STPG2: variants seen among roughly 807,000 people sequenced by gnomAD.
STPG2 encodes sperm-tail PG-rich repeat-containing protein 2.
A neutral mutation model predicts 54.2 loss-of-function variants in STPG2; 56 were observed. The observed-to-expected ratio is 1.03, with a 90% confidence interval of 0.83 to 1.29. STPG2 has a LOEUF of 1.29. STPG2 is among the 50% of genes most tolerant of loss of function. STPG2 has a pLI of 0.00. For synonymous variants in STPG2, 200 were observed against 181.8 expected, an observed-to-expected ratio of 1.10 and a Z score of -0.81; for missense variants, 596 against 544.9, an observed-to-expected ratio of 1.09 and a Z score of -0.93.
chr4:98,022,994 T>A (rs1736276460), intron 5 of STPG2, among the ~76,000 whole-genome samples: 1 of 152,216 alleles, frequency 6.6e-6, no homozygotes, highest in African/African-American at 2.4e-5. Context: ...AGTTTGATCT[T>A]CTGAAGCCTT....
intron 10 of STPG2, among the ~76,000 whole-genome samples, chr4:97,701,753 T>A (rs567698360): frequency 1.3e-5 from 2 of 152,340 alleles, no homozygotes; most frequent in African/African-American, 4.8e-5. Flanking sequence ...AAACCATGAT[T>A]AATTAGCCAA....
chr4:98,074,421 A>G (rs746417231), intron 5 of STPG2, among the ~76,000 whole-genome samples: 12 of 152,220 alleles, frequency 7.9e-5, no homozygotes, highest in Non-Finnish European at 1.5e-4. Flanking sequence ...TTTTGTATTT[A>G]TCCTGCTTAA....
intron 9 of STPG2, among the ~76,000 whole-genome samples, chr4:97,833,717 A>G (rs1200860538): frequency 1.3e-5 from 2 of 152,238 alleles, no homozygotes; most frequent in Middle Eastern, 3.2e-3. Context: ...CACTTCTCAA[A>G]AGAAGACATT....
At chr4:97,627,678 A>G (rs1212953841) in intron 10 of STPG2, among the ~76,000 whole-genome samples, 1 of 152,212 alleles carries the variant, frequency 6.6e-6, no homozygotes, top group Non-Finnish European at 1.5e-5. Flanking sequence ...TTTAAAGGAT[A>G]TAATTATCTA....
chr4:98,093,498 A>C (rs181729688), intron 5 of STPG2, among the ~76,000 whole-genome samples: 1 of 152,216 alleles, frequency 6.6e-6, no homozygotes. Context: ...AAGATGATGG[A>C]ATAGAAGCCT....
intron 4 of STPG2, among the ~76,000 whole-genome samples, chr4:97,533,115 T>C (rs1442397944): frequency 6.6e-6 from 1 of 152,048 alleles, no homozygotes; most frequent in African/African-American, 2.4e-5. Flanking sequence ...TCTTCTGACC[T>C]CATGATCCCC....
intron 5 of STPG2, among the ~76,000 whole-genome samples, chr4:98,046,627 A>C (rs947361041): frequency 1.3e-5 from 2 of 152,184 alleles, no homozygotes; most frequent in Non-Finnish European, 2.9e-5. Flanking sequence ...TAAGTCCTTC[A>C]AGATGCGGCC....
At chr4:97,709,709 T>A (rs1724053016) in intron 10 of STPG2, among the ~76,000 whole-genome samples, 1 of 151,850 alleles carries the variant, frequency 6.6e-6, no homozygotes, top group African/African-American at 2.4e-5. Context: ...AATCAGTATA[T>A]TTGACTCGAT....
At chr4:97,705,274 T>C (rs567872670) in intron 10 of STPG2, among the ~76,000 whole-genome samples, 2 of 152,284 alleles carry the variant, frequency 1.3e-5, no homozygotes, top group African/African-American at 4.8e-5. Flanking sequence ...ATTACTCTTT[T>C]ATATTTCATA....
intron 4 of STPG2, among the ~76,000 whole-genome samples, chr4:97,509,372 A>G (rs1730923486): frequency 6.6e-6 from 1 of 152,116 alleles, no homozygotes; most frequent in Non-Finnish European, 1.5e-5. Context: ...AATTTATAAA[A>G]ATGACAACTG....
Position 97,746,277 on chromosome 4 carries a change from T to G in STPG2, c.1205-33463A>C, listed in dbSNP as rs1725418947. ...AAATTAAAAGACACCATTAAAACAT[T>G]AAAAACACAGCTATATATAACTTTG... On this transcript the variant is annotated intron_variant, in intron 9 of 10. Coordinates refer to ENST00000295268, the MANE Select transcript of STPG2 (RefSeq NM_174952.3). Among the ~76,000 whole-genome samples, 5 of 151,198 alleles carry G rather than the reference T, an allele frequency of 3.3e-5. No individual in the cohort carries two copies. In the South Asian group the frequency reaches 1.0e-3, roughly 31 times the overall value.
intron 1 of STPG2, among the ~76,000 whole-genome samples, chr4:98,137,484 A>T (rs1240675905): frequency 6.6e-6 from 1 of 151,756 alleles, no homozygotes; most frequent in Admixed American, 6.6e-5. Context: ...TTTTAACTGA[A>T]TATCTTCTTT....
intron 10 of STPG2, among the ~76,000 whole-genome samples, chr4:97,694,014 G>A (rs1293679523): frequency 6.6e-6 from 1 of 152,072 alleles, no homozygotes; most frequent in Non-Finnish European, 1.5e-5. Flanking sequence ...CAGCAAAAGT[G>A]GTGCTGAAAA....
chr4:97,609,650 T>C (rs1379029342), intron 10 of STPG2, among the ~76,000 whole-genome samples: 6 of 151,994 alleles, frequency 3.9e-5, no homozygotes, highest in Admixed American at 3.9e-4. Context: ...ATGGGGATGT[T>C]TGTAATGCCC....
At chr4:97,527,535 A>AT (rs1486506271) in intron 4 of STPG2, among the ~76,000 whole-genome samples, 1 of 152,144 alleles carries the variant, frequency 6.6e-6, no homozygotes, top group African/African-American at 2.4e-5. Context: ...GCTGGGTCAA[A>AT]TGGTATTTCT....
chr4:97,706,955 G>C (rs1301346719), intron 10 of STPG2, among the ~76,000 whole-genome samples: 1 of 152,146 alleles, frequency 6.6e-6, no homozygotes, highest in Non-Finnish European at 1.5e-5. Context: ...TTTTAGATGA[G>C]ACGATAGGCA....
chr4:98,100,637 C>T (rs1035684188), intron 5 of STPG2, among the ~76,000 whole-genome samples: 17 of 151,306 alleles, frequency 1.1e-4, no homozygotes, highest in African/African-American at 3.9e-4. Context: ...TACCAACCTT[C>T]CCAAGTCATA....
chr4:97,793,931 T>C (rs1727086410), intron 9 of STPG2, among the ~76,000 whole-genome samples: 1 of 152,050 alleles, frequency 6.6e-6, no homozygotes, highest in African/African-American at 2.4e-5. Flanking sequence ...AGATATACAC[T>C]AATAATTCAT....
chr4:97,504,844 G>T (rs1367868788), intron 4 of STPG2, among the ~76,000 whole-genome samples: 1 of 151,852 alleles, frequency 6.6e-6, no homozygotes, highest in Non-Finnish European at 1.5e-5. Flanking sequence ...TATGTCCCAG[G>T]GACTATTCAA....
Sources: gnomAD v4.1 joint callset for allele counts (sites outside exome capture counted in the v4.1 genomes callset) on GRCh38, gnomAD v4.1.1 for gene constraint, MANE v1.5 for transcripts, NCBI Gene and HGNC (gene_info 2026-07-23, HGNC 2026-07-21) for gene names.